The following AMMECR1L variants were observed in gnomAD, a reference collection of about 807,000 sequenced individuals.
AMMECR1L encodes the protein AMMECR1 like, also known as AMMECR1-like protein.
Under a neutral mutation model 36.8 loss-of-function variants are expected in AMMECR1L, and 4 were observed. That is an observed-to-expected ratio of 0.11 (90% CI 0.05 to 0.25). The LOEUF (loss-of-function observed/expected upper bound fraction) is 0.25. AMMECR1L is among the 10% of genes least tolerant of loss of function. AMMECR1L has a pLI of 1.00. For missense variants in AMMECR1L, 232 were observed against 392.1 expected (o/e 0.59, Z 3.45); for synonymous variants, 147 against 148.0 (o/e 0.99, Z 0.05).
In AMMECR1L at chr2:127,868,726, T is replaced by G. The variant is rs551350618; in HGVS notation, c.724+728A>C. Among the ~76,000 whole-genome samples the G allele has an allele frequency of 1.2e-3, 181 of 151,734 alleles. 1 individual carries two copies. The highest frequency in any genetic ancestry group is 2.3e-3 in the Non-Finnish European group (153 of 67,924). ...CCCATCAGAAGAACTTATAGGCTAC[T>G]GAGTTTTTTTTTTTTTGGAGATGGA... On this transcript the variant is annotated intron_variant, in intron 6 of 7. Coordinates refer to ENST00000272647, the MANE Select transcript of AMMECR1L (RefSeq NM_001199140.2).
chr2:127,881,716 C>A (rs935897557), intron 2 of AMMECR1L, among the ~76,000 whole-genome samples: 1 of 152,172 alleles, frequency 6.6e-6, no homozygotes, highest in Middle Eastern at 3.2e-3. Flanking sequence ...ATAAAAGTAG[C>A]GTTGGTTATA....
At chr2:127,878,388 C>CT (rs1691344170) in intron 2 of AMMECR1L, among the ~76,000 whole-genome samples, 1 of 152,182 alleles carries the variant, frequency 6.6e-6, no homozygotes, top group Non-Finnish European at 1.5e-5. Flanking sequence ...CTCTGCACCT[C>CT]TAGAGCCTCA....
chr2:127,870,848 T>A lies in AMMECR1L; in HGVS notation c.599A>T (p.Asn200Ile). 6.2e-7 allele frequency: 1 copy of A among 1,612,508 alleles called. No homozygotes were observed. The highest frequency in any genetic ancestry group is 8.5e-7 in the Non-Finnish European group (1 of 1,179,512). The change falls in exon 5 of 8, where the codon AAC becomes ATC. Residue 200 changes from asparagine (N) to isoleucine (I), a missense_variant. Asn to Ile is a moderately radical substitution (Grantham distance 149). Around this residue, in one of 3 missense-constraint regions of AMMECR1L, gnomAD observed 83 missense variants for 229.5 expected, o/e 0.36. Transcript: ENST00000272647. ...CAGGTAATCACTGGCATCCTCAAAG[T>A]TAGTAAGGAGGGAGACAGAGCAGAA... is the stretch of plus-strand genomic sequence containing the variant. Reference protein sequence around the residue: ...KLFCSVSLLTNFEDASDYLDW... With the variant: ...KLFCSVSLLTIFEDASDYLDW...
At position 127,862,138 on chromosome 2, in the gene AMMECR1L, T is replaced by A; in HGVS notation, c.*2956A>T. On this transcript the variant is annotated 3_prime_UTR_variant, in exon 8 of 8. Transcript: ENST00000272647. The stretch of plus-strand genomic sequence containing the variant: ...TTTAATGTAAAACAAGGACAATTCA[T>A]AATTACAGAGAGAATGTCCTAGCTG... The A allele has an allele frequency of 6.5e-6, 1 of 153,608 alleles. No homozygotes were observed. Among genetic ancestry groups the A allele is most frequent in the East Asian group, 1.9e-4 (1 of 5,194 alleles). The allele number at this position is 153,608 out of a possible 1,614,324, so 9.5% of individuals were successfully genotyped here.
At chr2:127,867,066 T>A in intron 6 of AMMECR1L, 70 bp from the exon 7 acceptor site, 3 of 1,599,972 alleles carry the variant, frequency 1.9e-6, no homozygotes, top group Non-Finnish European at 2.6e-6. Context: ...ACATGGCCCG[T>A]GCAAGAAGAG....
intron 6 of AMMECR1L, chr2:127,867,322 T>G (rs1690734768): frequency 1.0e-6 from 1 of 984,818 alleles, no homozygotes; most frequent in Non-Finnish European, 1.2e-6. Flanking sequence ...CCTATTGGCC[T>G]AGTGCTGGTA....
At chr2:127,877,418 C>T (rs1368769889) in intron 2 of AMMECR1L, among the ~76,000 whole-genome samples, 1 of 151,758 alleles carries the variant, frequency 6.6e-6, no homozygotes, top group African/African-American at 2.4e-5. Context: ...TCACTGCAAC[C>T]TCTGCCTCCC....
rs1473429758 is a variant in AMMECR1L at position 127,873,480 on chromosome 2, C to T, written c.407+348G>A. The T allele has an allele frequency of 1.0e-6, 1 of 985,340 alleles. No individual in the cohort carries two copies. Among genetic ancestry groups the T allele is most frequent in the East Asian group, 1.1e-4 (1 of 8,824 alleles). The allele number at this position is 985,340 out of a possible 1,614,324, so 61.0% of individuals were successfully genotyped here. A position where few individuals can be genotyped will look rare whatever the true frequency, so the allele number is the denominator to read the frequency against. On this transcript the variant is annotated intron_variant, in intron 3 of 7. Coordinates refer to ENST00000272647, the MANE Select transcript of AMMECR1L (RefSeq NM_001199140.2). This position sits in a 1 kb window ranked among gnomAD's most constrained non-coding sequence, Gnocchi z 5.2. Reference sequence around the variant, plus strand: ...GACTTCCAACTCACCTGGACTTCAACACTATGGGTGTCCCCAATGGTATGG... The same window carrying T: ...GACTTCCAACTCACCTGGACTTCAATACTATGGGTGTCCCCAATGGTATGG...
At chr2:127,883,642 T>A (rs1293379104) in intron 2 of AMMECR1L, among the ~76,000 whole-genome samples, 1 of 152,208 alleles carries the variant, frequency 6.6e-6, no homozygotes, top group Admixed American at 6.5e-5. Context: ...CTATCATTAA[T>A]CAACTCAAGA....
intron 2 of AMMECR1L, among the ~76,000 whole-genome samples, chr2:127,881,249 G>A (rs372922886): frequency 2.0e-4 from 30 of 151,616 alleles, no homozygotes; most frequent in African/African-American, 7.0e-4. Context: ...TGCCTGGGTG[G>A]CCATTTGTGG....
rs1233833545 is a variant in AMMECR1L, at chr2:127,862,915, T to C, written c.*2179A>G. ...AATAATAAAATAAAATAACATACCA[T>C]ACATTGGAGAAGACAAATAGGGCAA... is the stretch of plus-strand genomic sequence containing the variant. On this transcript the variant is annotated 3_prime_UTR_variant, in exon 8 of 8. Coordinates refer to ENST00000272647, the MANE Select transcript of AMMECR1L (RefSeq NM_001199140.2). 1 of 152,394 alleles carries C rather than the reference T, an allele frequency of 6.6e-6. No individual in the cohort carries two copies. Among genetic ancestry groups the C allele is most frequent in the Admixed American group, 6.6e-5 (1 of 15,258 alleles). The allele number at this position is 152,394 out of a possible 1,614,324, so 9.4% of individuals were successfully genotyped here.
At position 127,869,416 on chromosome 2, in the gene AMMECR1L, A is replaced by G; in HGVS notation, c.724+38T>C. 6.4e-7 allele frequency: 1 copy of G among 1,567,758 alleles called. No homozygotes were observed. The highest frequency in any genetic ancestry group is 8.8e-7 in the Non-Finnish European group (1 of 1,137,760). Reference sequence around the variant, plus strand: ...TGCCCTTTAACTGGCACCACTGTGAATGATACTTGTCATTAAAATCCCATT... The same window carrying G: ...TGCCCTTTAACTGGCACCACTGTGAGTGATACTTGTCATTAAAATCCCATT... On this transcript the variant is annotated intron_variant, in intron 6 of 7. Coordinates refer to ENST00000272647, the MANE Select transcript of AMMECR1L (RefSeq NM_001199140.2). This position sits in a 1 kb window ranked among gnomAD's most constrained non-coding sequence, Gnocchi z 4.7.
At chr2:127,883,653 G>A (rs1338918709) in intron 2 of AMMECR1L, among the ~76,000 whole-genome samples, 1 of 152,094 alleles carries the variant, frequency 6.6e-6, no homozygotes, top group East Asian at 1.9e-4. Context: ...CAACTCAAGA[G>A]GGCACAGCAG....
chr2:127,883,029 G>A (rs13423029), intron 2 of AMMECR1L, among the ~76,000 whole-genome samples: 20,048 of 150,714 alleles, frequency 0.13, 1,635 homozygotes, highest in African/African-American at 0.22. Flanking sequence ...ACAGATGCAC[G>A]CCACCATGCC....
chr2:127,874,149 C>A lies in AMMECR1L; in HGVS notation c.86G>T (p.Ser29Ile). Reference sequence around the variant, plus strand: ...CTGATTCCCGTGACTGTGCGTTCCACTTCCAGATAATTTGGGCTTCTTGAC... The same window carrying A: ...CTGATTCCCGTGACTGTGCGTTCCAATTCCAGATAATTTGGGCTTCTTGAC... ...CGVKKPKLSG[S>I]GTHSHGNQST... is the part of the protein sequence containing the mutation. Residue 29 changes from serine (S) to isoleucine (I), a missense_variant, in exon 3 of 8, where the codon AGT becomes ATT. Ser to Ile is a moderately radical substitution (Grantham distance 142, BLOSUM62 -2). Around this residue, in one of 3 missense-constraint regions of AMMECR1L, gnomAD observed 109 missense variants for 128.1 expected, o/e 0.85. Coordinates refer to ENST00000272647, the MANE Select transcript of AMMECR1L (RefSeq NM_001199140.2). The surrounding 1 kb of genome is among the most constrained non-coding windows in gnomAD (Gnocchi z 5.2). The A allele has an allele frequency of 6.2e-7, 1 of 1,614,190 alleles. No homozygotes were observed. Among genetic ancestry groups the A allele is most frequent in the Non-Finnish European group, 8.5e-7 (1 of 1,180,034 alleles).
intron 6 of AMMECR1L, 144 bp from the exon 7 acceptor site, chr2:127,867,140 C>G: frequency 6.8e-7 from 1 of 1,468,720 alleles, no homozygotes; most frequent in Non-Finnish European, 9.0e-7. Context: ...CTGACCCCCA[C>G]GTACCTGGCG....
intron 1 of AMMECR1L, chr2:127,885,352 C>A: frequency 5.1e-6 from 5 of 981,176 alleles, no homozygotes; most frequent in Non-Finnish European, 6.0e-6. Flanking sequence ...GACGATGGAG[C>A]GACGGGTAGA....
At position 127,865,249 on chromosome 2, in the gene AMMECR1L, T is replaced by C; in HGVS notation, c.822-44A>G. 1 of 1,414,650 alleles carries C rather than the reference T, an allele frequency of 7.1e-7. No individual in the cohort carries two copies. The allele number at this position is 1,414,650 out of a possible 1,614,324, so 87.6% of individuals were successfully genotyped here. A position where few individuals can be genotyped will look rare whatever the true frequency, so the allele number is the denominator to read the frequency against. On this transcript the variant is annotated intron_variant, in intron 7 of 7. Coordinates refer to ENST00000272647, the MANE Select transcript of AMMECR1L (RefSeq NM_001199140.2). The surrounding 1 kb of genome is among the most constrained non-coding windows in gnomAD (Gnocchi z 5.4). ...AAGGGTATTAGGAACCCCAAACGCT[T>C]CATTTTGTAAAGTCACTCAGCAGAG...
In AMMECR1L at chr2:127,865,209, T is replaced by A; in HGVS notation, c.822-4A>T. ...TGTCACCTTCTCACTTCGGTACCTG[T>A]ATGAGGAAACAGGAAAGGGTATTAG... On this transcript the variant is annotated splice_region_variant and splice_polypyrimidine_tract_variant and intron_variant, in intron 7 of 7. Transcript: ENST00000272647. The surrounding 1 kb of genome is among the most constrained non-coding windows in gnomAD (Gnocchi z 5.4). 6.2e-7 allele frequency: 1 copy of A among 1,607,592 alleles called. No homozygotes were observed. Among genetic ancestry groups the A allele is most frequent in the Non-Finnish European group, 8.5e-7 (1 of 1,175,920 alleles).
Sources: gnomAD v4.1 joint callset for allele counts (sites outside exome capture counted in the v4.1 genomes callset) on GRCh38, gnomAD v4.1.1 for gene constraint, gnomAD v4.1.1 regional missense constraint, Gnocchi (gnomAD v3.1) non-coding constraint, MANE v1.5 for transcripts, NCBI Gene and HGNC (gene_info 2026-07-23, HGNC 2026-07-21) for gene names.